Variants in GOLGA8B observed in about 807,000 individuals in gnomAD.
The protein encoded by GOLGA8B is golgin subfamily A member 8B.
GOLGA8B carries 1 observed loss-of-function variant against 15.6 expected under a neutral mutation model. The observed-to-expected ratio is 0.06, with a 90% CI of 0.02 to 0.30. The LOEUF (loss-of-function observed/expected upper bound fraction) is 0.30, where lower values mean the gene tolerates loss of function less well. Among genes scored for constraint, GOLGA8B ranks in the 10% least tolerant of loss-of-function variants. GOLGA8B has a pLI of 1.00. For missense variants in GOLGA8B, 17 were observed against 201.3 expected, an observed-to-expected ratio of 0.08 and a Z score of 5.54; for synonymous variants, 9 against 80.3, an observed-to-expected ratio of 0.11 and a Z score of 4.75.
In GOLGA8B at chr15:34,525,656, T is replaced by G. The variant is rs1344237793; in HGVS notation, c.*1976A>C. The G allele has an allele frequency of 2.7e-5, 4 of 149,922 alleles. No homozygotes were observed. Among genetic ancestry groups the G allele is most frequent in the African/African-American group, 4.9e-5 (2 of 40,572 alleles). 9.3% of individuals were successfully genotyped at this position (149,922 alleles called of 1,614,324 possible). On this transcript the variant is annotated 3_prime_UTR_variant, in exon 24 of 24. Coordinates refer to ENST00000683415, the MANE Select transcript of GOLGA8B (RefSeq NM_001023567.5). ...TCATACCACTATTAGCCACATTATT[T>G]GGTCTAATATTTTTTCTTTATTATT...
chr15:34,568,937 G>A (rs1307028590), intron 1 of GOLGA8B, among the ~76,000 whole-genome samples: 12 of 147,572 alleles, frequency 8.1e-5, no homozygotes, highest in Admixed American at 2.7e-4. Context: ...GCGCTCGTGC[G>A]CTTGTGCGCT....
intron 1 of GOLGA8B, among the ~76,000 whole-genome samples, chr15:34,575,864 T>A (rs1358208557): frequency 1.3e-5 from 2 of 152,090 alleles, no homozygotes; most frequent in Non-Finnish European, 2.9e-5. Flanking sequence ...CCCACCCAGC[T>A]CTAAACTGGG....
chr15:34,580,220 A>C (rs1349184079), intron 1 of GOLGA8B, among the ~76,000 whole-genome samples: 1 of 152,178 alleles, frequency 6.6e-6, no homozygotes, highest in Non-Finnish European at 1.5e-5. Flanking sequence ...GGGTGGGGAC[A>C]ACCCAGGGCA....
chr15:34,550,764 T>G (rs1595701392), intron 4 of GOLGA8B, among the ~76,000 whole-genome samples: 1 of 131,088 alleles, frequency 7.6e-6, no homozygotes. Context: ...CAGGCTGAGG[T>G]AGGAGGATCG....
In GOLGA8B at chr15:34,561,287, CATT is replaced by C. The variant is rs1424144045; in HGVS notation, c.-1122-7334_-1122-7332del. Among the ~76,000 whole-genome samples, 4 of 150,282 alleles carry C rather than the reference CATT, an allele frequency of 2.7e-5. No individual in the cohort carries two copies. In the East Asian group the frequency reaches 7.8e-4, roughly 29 times the overall value. ...GGGCTCTCCTTACTCTTGCTTCTCCCATTATTTTTAAATTGTAGTAATACACTT... is the reference window on the plus strand; with the variant it reads ...GGGCTCTCCTTACTCTTGCTTCTCCCATTTTTAAATTGTAGTAATACACTT... On this transcript the variant is annotated intron_variant, in intron 1 of 23. Coordinates refer to ENST00000683415, the MANE Select transcript of GOLGA8B (RefSeq NM_001023567.5).
chr15:34,582,450 G>A (rs12898620), intron 1 of GOLGA8B, among the ~76,000 whole-genome samples: 6,175 of 152,306 alleles, frequency 0.041, 156 homozygotes, highest in Non-Finnish European at 0.063. Flanking sequence ...AGGCAGTTTA[G>A]CCCAAAAACA....
chr15:34,573,945 A>G (rs1888995036), intron 1 of GOLGA8B, among the ~76,000 whole-genome samples: 2 of 151,608 alleles, frequency 1.3e-5, no homozygotes, highest in Non-Finnish European at 2.9e-5. Context: ...CCTATTTGCC[A>G]AATCACCAGC....
In GOLGA8B at chr15:34,570,726, G is replaced by C. The variant is rs935814626; in HGVS notation, c.-1123+12790C>G. 8.7e-5 allele frequency among the ~76,000 whole-genome samples: 10 copies of C among 114,886 alleles called. 1 individual carries two copies. The highest frequency in any genetic ancestry group is 1.9e-4 in the Non-Finnish European group (10 of 51,584). 75.4% of individuals were successfully genotyped at this position (114,886 alleles called of 152,430 possible). A position where few individuals can be genotyped will look rare whatever the true frequency, so the allele number is the denominator to read the frequency against. ...GAGACTGAAGCAAGGTGGGCAGGCA[G>C]CCCACAAATTTAAAAGGCAACAACT... On this transcript the variant is annotated intron_variant, in intron 1 of 23. Coordinates refer to ENST00000683415, the MANE Select transcript of GOLGA8B (RefSeq NM_001023567.5).
chr15:34,527,448 G>C lies in GOLGA8B; in HGVS notation c.*184C>G. ...AGGATGCCAGAGTGAACATCAGTGA[G>C]AGGCACAGAGACCCACTCTCTTTTA... On this transcript the variant is annotated 3_prime_UTR_variant, in exon 24 of 24. Transcript: ENST00000683415. 1 of 716,438 alleles carries C rather than the reference G, an allele frequency of 1.4e-6. No individual in the cohort carries two copies. Among genetic ancestry groups the C allele is most frequent in the Non-Finnish European group, 2.1e-6 (1 of 481,324 alleles). The allele number at this position is 716,438 out of a possible 1,614,324, so 44.4% of individuals were successfully genotyped here. A position where few individuals can be genotyped will look rare whatever the true frequency, so the allele number is the denominator to read the frequency against.
At chr15:34,578,301 C>T (rs1355358963) in intron 1 of GOLGA8B, among the ~76,000 whole-genome samples, 1 of 152,236 alleles carries the variant, frequency 6.6e-6, no homozygotes, top group Non-Finnish European at 1.5e-5. Context: ...CACGCCCTTT[C>T]CCCATCGCTG....
intron 1 of GOLGA8B, among the ~76,000 whole-genome samples, chr15:34,573,185 A>G (rs1387336791): frequency 2.0e-5 from 3 of 152,220 alleles, no homozygotes; most frequent in Admixed American, 6.5e-5. Flanking sequence ...AGCAGCCTCT[A>G]GTTGTTAAAG....
intron 1 of GOLGA8B, among the ~76,000 whole-genome samples, chr15:34,582,015 CCA>C (rs1889249957): frequency 6.6e-6 from 1 of 152,188 alleles, no homozygotes; most frequent in Admixed American, 6.5e-5. Context: ...CCAGCAAGTT[CCA>C]CGTGTCCTTA....
chr15:34,573,878 C>G (rs1566935899), intron 1 of GOLGA8B, among the ~76,000 whole-genome samples: 1 of 151,320 alleles, frequency 6.6e-6, no homozygotes, highest in African/African-American at 2.5e-5. Flanking sequence ...CCATCGGACT[C>G]CCAGGTACCT....
intron 1 of GOLGA8B, among the ~76,000 whole-genome samples, 174 bp downstream of exon 1, chr15:34,583,342 C>T (rs1002353315): frequency 4.6e-5 from 7 of 152,204 alleles, no homozygotes; most frequent in African/African-American, 1.7e-4. Context: ...GGCTGCACCC[C>T]TAGATCCCAG....
At chr15:34,571,459 C>T (rs532183743) in intron 1 of GOLGA8B, among the ~76,000 whole-genome samples, 3 of 151,858 alleles carry the variant, frequency 2.0e-5, no homozygotes, top group Non-Finnish European at 2.9e-5. Context: ...GTAACTTACA[C>T]GGTAGATAGT....
At chr15:34,557,644 A>ATGTGTGTATG (rs1555405944) in intron 1 of GOLGA8B, among the ~76,000 whole-genome samples, 2 of 76,142 alleles carry the variant, frequency 2.6e-5, no homozygotes, top group African/African-American at 8.9e-5. Context: ...GAATTCATGA[A>ATGTGTGTATG]TGTGTGTGTG....
intron 1 of GOLGA8B, among the ~76,000 whole-genome samples, chr15:34,564,733 G>A (rs749660170): frequency 1.4e-5 from 2 of 143,454 alleles, no homozygotes; most frequent in East Asian, 3.9e-4. Context: ...AAGTTCCAAC[G>A]AAAAGGGTGT....
At chr15:34,565,025 T>C (rs1250969765) in intron 1 of GOLGA8B, among the ~76,000 whole-genome samples, 1 of 143,536 alleles carries the variant, frequency 7.0e-6, no homozygotes, top group African/African-American at 2.5e-5. Context: ...GAGAGCCGGG[T>C]GGGTGGCAGG....
chr15:34,581,539 T>G (rs1281929271), intron 1 of GOLGA8B: 1 of 152,120 alleles, frequency 6.6e-6, no homozygotes, highest in Non-Finnish European at 1.5e-5. Context: ...TCACAATCCA[T>G]CCCCACCAAT....
Sources: allele counts gnomAD v4.1 joint callset (sites outside exome capture counted in the v4.1 genomes callset), GRCh38; gene constraint gnomAD v4.1.1; transcripts MANE v1.5; gene names NCBI Gene and HGNC (gene_info 2026-07-23, HGNC 2026-07-21).